UBAC2: variants seen among roughly 807,000 people sequenced by gnomAD.
UBAC2 encodes ubiquitin-associated domain-containing protein 2.
Under a neutral mutation model 44.0 loss-of-function variants are expected in UBAC2, and 26 were observed. The ratio of observed to expected loss-of-function variants is 0.59; its 90% CI spans 0.43 to 0.82. UBAC2 has a LOEUF of 0.82. Ranked by LOEUF, UBAC2 falls within the 40% of genes least tolerant of loss-of-function variation. The pLI is 0.00. For synonymous variants in UBAC2, 155 were observed against 154.3 expected, an observed-to-expected ratio of 1.00 and a Z score of -0.04; for missense variants, 329 against 419.4, an observed-to-expected ratio of 0.78 and a Z score of 1.88.
At chr13:99,207,395 C>G (rs951158337) in intron 1 of UBAC2, among the ~76,000 whole-genome samples, 1 of 152,190 alleles carries the variant, frequency 6.6e-6, no homozygotes, top group African/African-American at 2.4e-5. Flanking sequence ...AAAAGTATAA[C>G]CCATCCAACA....
intron 4 of UBAC2, among the ~76,000 whole-genome samples, chr13:99,293,787 A>T (rs1463047759): frequency 3.3e-5 from 5 of 152,176 alleles, no homozygotes; most frequent in Non-Finnish European, 5.9e-5. Flanking sequence ...AATGGGTAAG[A>T]TGAGAACTTT....
intron 1 of UBAC2, among the ~76,000 whole-genome samples, chr13:99,232,399 GATATAGATATATAT>G (rs978776579): frequency 3.6e-5 from 4 of 109,902 alleles, no homozygotes; most frequent in Non-Finnish European, 6.3e-5. Flanking sequence ...TTAGTTGAGA[GATATAGATATATAT>G]ATATATATTC....
intron 4 of UBAC2, among the ~76,000 whole-genome samples, chr13:99,292,182 CT>C (rs1224360192): frequency 6.6e-6 from 1 of 151,592 alleles, no homozygotes; most frequent in Non-Finnish European, 1.5e-5. Flanking sequence ...GTCACCCAGA[CT>C]GGAGTGCAGT....
At chr13:99,375,249 C>A (rs1167155726) in intron 8 of UBAC2, among the ~76,000 whole-genome samples, 3 of 151,274 alleles carry the variant, frequency 2.0e-5, no homozygotes, top group Non-Finnish European at 2.9e-5. Flanking sequence ...CTGTAATAAC[C>A]AGAAACCTGA....
At chr13:99,243,178 C>G (rs1334520116) in intron 2 of UBAC2, among the ~76,000 whole-genome samples, 1 of 147,248 alleles carries the variant, frequency 6.8e-6, no homozygotes. Context: ...TTGGGATTAT[C>G]TTTAAAAATC....
chr13:99,239,861 A>G (rs2043280236), intron 2 of UBAC2, among the ~76,000 whole-genome samples: 1 of 152,214 alleles, frequency 6.6e-6, no homozygotes, highest in Admixed American at 6.5e-5. Flanking sequence ...TCACAGGTGT[A>G]CATGACATCC....
chr13:99,282,633 G>A (rs2043968777), intron 4 of UBAC2, among the ~76,000 whole-genome samples: 1 of 152,194 alleles, frequency 6.6e-6, no homozygotes. Flanking sequence ...GGTTAAGTGA[G>A]ACTCAGGTAA....
At chr13:99,316,623 C>A (rs537230736) in intron 5 of UBAC2, among the ~76,000 whole-genome samples, 14 of 152,164 alleles carry the variant, frequency 9.2e-5, no homozygotes, top group Non-Finnish European at 1.6e-4. Context: ...CTCAAGGAGC[C>A]CAGCCATGAG....
intron 4 of UBAC2, among the ~76,000 whole-genome samples, chr13:99,275,849 G>A (rs1285618958): frequency 1.3e-5 from 2 of 152,098 alleles, no homozygotes; most frequent in Non-Finnish European, 2.9e-5. Flanking sequence ...TCTGTCATAA[G>A]GTCCCCTGGT....
intron 4 of UBAC2, among the ~76,000 whole-genome samples, chr13:99,272,298 AGAAAG>A (rs1402782481): frequency 6.6e-6 from 1 of 152,204 alleles, no homozygotes; most frequent in Non-Finnish European, 1.5e-5. Flanking sequence ...AGCATGTATA[AGAAAG>A]GAGAGAACAC....
chr13:99,255,663 T>C, intron 4 of UBAC2: 2 of 1,614,074 alleles, frequency 1.2e-6, no homozygotes, highest in South Asian at 2.2e-5. Flanking sequence ...TCATTATAAA[T>C]ATCAAGTCCA....
intron 7 of UBAC2, among the ~76,000 whole-genome samples, chr13:99,349,091 C>T (rs188485819): frequency 1.3e-5 from 2 of 152,294 alleles, no homozygotes; most frequent in Admixed American, 6.5e-5. Context: ...CAGTGAAGGA[C>T]GAGGGCAGGC....
intron 4 of UBAC2, among the ~76,000 whole-genome samples, chr13:99,292,274 T>C (rs1449143600): frequency 3.3e-5 from 5 of 151,892 alleles, no homozygotes; most frequent in African/African-American, 1.2e-4. Flanking sequence ...TAGCTGGGAC[T>C]ACAGGCGCCC....
intron 2 of UBAC2, among the ~76,000 whole-genome samples, chr13:99,239,304 T>C (rs1293380693): frequency 6.6e-6 from 1 of 152,234 alleles, no homozygotes; most frequent in Non-Finnish European, 1.5e-5. Flanking sequence ...CAGAAGATAG[T>C]GTAGCTTCTG....
intron 1 of UBAC2, among the ~76,000 whole-genome samples, chr13:99,220,773 A>T (rs1337351936): frequency 6.6e-6 from 1 of 152,082 alleles, no homozygotes; most frequent in Non-Finnish European, 1.5e-5. Flanking sequence ...GCCGAAGATT[A>T]CTAGTGACTT....
chr13:99,278,787 C>T (rs931002728), intron 4 of UBAC2, among the ~76,000 whole-genome samples: 1 of 152,044 alleles, frequency 6.6e-6, no homozygotes, highest in Admixed American at 6.6e-5. Context: ...GGTACGAAAA[C>T]ATTTTTAGAG....
chr13:99,306,492 CAA>C (rs1170503864), intron 4 of UBAC2, among the ~76,000 whole-genome samples: 1 of 151,756 alleles, frequency 6.6e-6, no homozygotes, highest in Admixed American at 6.6e-5. Flanking sequence ...AGAGTGACAC[CAA>C]AAAAACAAAA....
chr13:99,201,017 G>T, intron 1 of UBAC2, 78 bp downstream of exon 1: 1 of 1,294,340 alleles, frequency 7.7e-7, no homozygotes, highest in East Asian at 2.9e-5. Context: ...TGGGGCAGCG[G>T]GGACCCTCGG....
At chr13:99,314,909 C>T (rs1202852640) in intron 5 of UBAC2, 1 of 152,194 alleles carries the variant, frequency 6.6e-6, no homozygotes, top group Non-Finnish European at 1.5e-5. Flanking sequence ...ACTCTCACGG[C>T]TTTTGATGTA....
Sources: allele counts gnomAD v4.1 joint callset (sites outside exome capture counted in the v4.1 genomes callset), GRCh38; gene constraint gnomAD v4.1.1; transcripts MANE v1.5; gene names NCBI Gene and HGNC (gene_info 2026-07-23, HGNC 2026-07-21).